Variants in TRAPPC12 observed in about 807,000 individuals in gnomAD.
TRAPPC12 encodes the protein trafficking protein particle complex subunit 12.
In TRAPPC12, 61 loss-of-function variants were observed where a neutral mutation model predicts 69.2. The ratio of observed to expected loss-of-function variants is 0.88; its 90% CI spans 0.72 to 1.09. The LOEUF (loss-of-function observed/expected upper bound fraction) is 1.09, where lower values mean the gene tolerates loss of function less well. Among genes scored for constraint, TRAPPC12 ranks in the 50% least tolerant of loss-of-function variants. The probability of loss-of-function intolerance (pLI) is 0.00; values close to 1 mark genes in which losing one functional copy is unlikely to be tolerated. For missense variants in TRAPPC12, 1,101 were observed against 1,016.4 expected, an observed-to-expected ratio of 1.08 and a Z score of -1.13; for synonymous variants, 469 against 438.9, an observed-to-expected ratio of 1.07 and a Z score of -0.86.
At chr2:3,465,553 T>C in intron 8 of TRAPPC12, 44 bp from the exon 9 acceptor site, 1 of 1,336,218 alleles carries the variant, frequency 7.5e-7, no homozygotes, top group Non-Finnish European at 1.1e-6. Flanking sequence ...AAACCCACAG[T>C]GCTGTTCTCA....
intron 9 of TRAPPC12, among the ~76,000 whole-genome samples, chr2:3,474,435 C>T (rs576686845): frequency 6.4e-4 from 97 of 152,294 alleles, no homozygotes; most frequent in African/African-American, 2.3e-3. Flanking sequence ...TGTTCATCTC[C>T]TTTGGCAACA....
intron 3 of TRAPPC12, among the ~76,000 whole-genome samples, chr2:3,417,298 C>G (rs1662470469): frequency 6.6e-6 from 1 of 152,130 alleles, no homozygotes; most frequent in African/African-American, 2.4e-5. Context: ...TTCTGGGTCT[C>G]TCTCACCCTC....
intron 3 of TRAPPC12, among the ~76,000 whole-genome samples, chr2:3,406,346 C>T (rs1251865988): frequency 1.3e-5 from 2 of 152,184 alleles, no homozygotes; most frequent in Non-Finnish European, 2.9e-5. Context: ...AAACTATGCT[C>T]CCCAAATTGC....
intron 5 of TRAPPC12, among the ~76,000 whole-genome samples, chr2:3,440,567 A>T (rs1439552055): frequency 6.6e-6 from 1 of 151,902 alleles, no homozygotes; most frequent in Non-Finnish European, 1.5e-5. Flanking sequence ...CTAGTTTAGA[A>T]GTGTTTTTGT....
intron 4 of TRAPPC12, 125 bp from the exon 5 acceptor site, chr2:3,424,400 A>C: frequency 1.2e-6 from 1 of 809,118 alleles, no homozygotes; most frequent in South Asian, 2.0e-5. Flanking sequence ...CAAAGATAGA[A>C]AGTTAGGTTA....
Position 3,478,846 on chromosome 2 carries a change from C to A in TRAPPC12, c.1878C>A (p.Ser626Arg). Reference sequence around the variant, plus strand: ...ACTGCCACCGTTGCTTGTGTTACAGCGCGTTCCTTCACCTCGGGCAGAATA... The same window carrying A: ...ACTGCCACCGTTGCTTGTGTTACAGAGCGTTCCTTCACCTCGGGCAGAATA... Reference protein sequence around the residue: ...LQGKIMVLMNSAFLHLGQNNF... With the variant: ...LQGKIMVLMNRAFLHLGQNNF... Residue 626 changes from serine (S) to arginine (R), a missense_variant and splice_region_variant, in exon 11 of 12, where the codon AGC becomes AGA. Coordinates refer to ENST00000324266, the MANE Select transcript of TRAPPC12 (RefSeq NM_016030.6). The A allele has an allele frequency of 6.2e-7, 1 of 1,613,944 alleles. No homozygotes were observed. The highest frequency in any genetic ancestry group is 1.1e-5 in the South Asian group (1 of 91,080).
At chr2:3,405,484 A>C (rs746030042) in intron 3 of TRAPPC12, among the ~76,000 whole-genome samples, 7 of 152,196 alleles carry the variant, frequency 4.6e-5, no homozygotes, top group Non-Finnish European at 4.4e-5. Context: ...ACGCTTTTCA[A>C]TACAGCTTCT....
chr2:3,475,528 G>A lies in TRAPPC12; in HGVS notation c.1777-2167G>A, dbSNP rs145541200. 6.0e-3 allele frequency among the ~76,000 whole-genome samples: 902 copies of A among 151,160 alleles called. 11 individuals are homozygous for A. Among genetic ancestry groups the A allele is most frequent in the African/African-American group, 0.021 (852 of 40,938 alleles). On this transcript the variant is annotated intron_variant, in intron 9 of 11. Transcript: ENST00000324266. ...CAGTTGCTCCTAACTTTTAGAAATC[G>A]GTAGGATTTTGTATCCTAATTACAT...
intron 6 of TRAPPC12, among the ~76,000 whole-genome samples, chr2:3,445,533 C>T (rs1664460100): frequency 6.6e-6 from 1 of 152,238 alleles, no homozygotes; most frequent in African/African-American, 2.4e-5. Context: ...TGACAGACAC[C>T]TTTGTTGCAT....
chr2:3,416,496 CT>C (rs1230402268), intron 3 of TRAPPC12, among the ~76,000 whole-genome samples: 1 of 148,028 alleles, frequency 6.8e-6, no homozygotes, highest in African/African-American at 2.5e-5. Flanking sequence ...TGCCCTCCCC[CT>C]ACCCCTTCAC....
intron 5 of TRAPPC12, among the ~76,000 whole-genome samples, chr2:3,429,427 G>T (rs1180269217): frequency 6.6e-6 from 1 of 152,168 alleles, no homozygotes; most frequent in Non-Finnish European, 1.5e-5. Context: ...AACTTCACTT[G>T]CATAGTGATA....
At chr2:3,455,113 GGC>G (rs1440994501) in intron 6 of TRAPPC12, 1 of 152,272 alleles carries the variant, frequency 6.6e-6, no homozygotes, top group Non-Finnish European at 1.5e-5. Context: ...CGCTGACCAG[GGC>G]GCTGTCAGGT....
intron 2 of TRAPPC12, among the ~76,000 whole-genome samples, chr2:3,391,497 C>T (rs1244581522): frequency 2.6e-5 from 4 of 152,090 alleles, no homozygotes; most frequent in Admixed American, 2.6e-4. Context: ...TATAGACATC[C>T]GTATTTTGGG....
chr2:3,420,674 G>A (rs750314212), intron 3 of TRAPPC12, among the ~76,000 whole-genome samples: 1 of 152,160 alleles, frequency 6.6e-6, no homozygotes, highest in African/African-American at 2.4e-5. Flanking sequence ...GCTCCTGCCT[G>A]AGGAAGCCCA....
intron 2 of TRAPPC12, among the ~76,000 whole-genome samples, chr2:3,398,391 T>TG (rs1553312300): frequency 6.6e-6 from 1 of 152,168 alleles, no homozygotes; most frequent in Non-Finnish European, 1.5e-5. Context: ...TTAATTGTTG[T>TG]GGTTTTTTTG....
At position 3,434,612 on chromosome 2, in the gene TRAPPC12, G is replaced by A. The variant is rs532457619; in HGVS notation, c.1418-9167G>A. Reference sequence around the variant, plus strand: ...TTGGGTCACCGCTGCTGTCTTTCTTGGTTTTGCGTCTACCTGGGAGAGCCC... The same window carrying A: ...TTGGGTCACCGCTGCTGTCTTTCTTAGTTTTGCGTCTACCTGGGAGAGCCC... On this transcript the variant is annotated intron_variant, in intron 5 of 11. Transcript: ENST00000324266. 2.0e-5 allele frequency among the ~76,000 whole-genome samples: 3 copies of A among 152,306 alleles called. No individual in the cohort carries two copies. In the South Asian group the frequency reaches 6.2e-4, roughly 32 times the overall value.
At chr2:3,429,610 G>A (rs560480928) in intron 5 of TRAPPC12, among the ~76,000 whole-genome samples, 9 of 152,272 alleles carry the variant, frequency 5.9e-5, no homozygotes, top group African/African-American at 2.2e-4. Context: ...TTTCCAGATG[G>A]ATTTGTGCAA....
rs952810567 is a variant in TRAPPC12, at chr2:3,388,295, C to A, written c.672C>A (p.Phe224Leu). The A allele has an allele frequency of 1.2e-6, 2 of 1,607,686 alleles. No homozygotes were observed. The highest frequency in any genetic ancestry group is 1.7e-6 in the Non-Finnish European group (2 of 1,177,030). The change falls in exon 2 of 12, where the codon TTC becomes TTA. Residue 224 changes from phenylalanine to leucine, a missense_variant. By Grantham distance (22) the Phe-to-Leu change is conservative (BLOSUM62 0). Transcript: ENST00000324266. ...AASHSLASDF[F>L]DSFTTSAFIS... ...GCCACTCCTTGGCCTCGGACTTCTT[C>A]GACTCCTTTACTACCTCCGCCTTCA...
At chr2:3,409,750 TAAAAAAAAAAAAAA>T (rs71396989) in intron 3 of TRAPPC12, among the ~76,000 whole-genome samples, 11 of 54,914 alleles carry the variant, frequency 2.0e-4, no homozygotes, top group East Asian at 1.8e-3. Context: ...ACTTTGTCTT[TAAAAAAAAAAAAAA>T]AAAAAAAAAA....
Sources: gnomAD v4.1 joint callset for allele counts (sites outside exome capture counted in the v4.1 genomes callset) on GRCh38, gnomAD v4.1.1 for gene constraint, MANE v1.5 for transcripts, NCBI Gene and HGNC (gene_info 2026-07-23, HGNC 2026-07-21) for gene names.